MGST1: variants seen among roughly 807,000 people sequenced by gnomAD.
The protein encoded by MGST1 is microsomal glutathione S-transferase 1.
A neutral mutation model predicts 8.9 loss-of-function variants in MGST1; 5 were observed. The observed-to-expected ratio is 0.56, with a 90% CI of 0.29 to 1.19. The LOEUF (loss-of-function observed/expected upper bound fraction) is 1.19, where lower values mean the gene tolerates loss of function less well. MGST1 is among the 50% of genes most tolerant of loss of function. MGST1 has a pLI of 0.08. For synonymous variants in MGST1, 54 were observed against 67.8 expected (o/e 0.80, Z 1.00); for missense variants, 182 against 187.4 (o/e 0.97, Z 0.17).
intron 1 of MGST1, among the ~76,000 whole-genome samples, chr12:16,351,084 T>C (rs371866110): frequency 1.3e-5 from 2 of 152,186 alleles, no homozygotes; most frequent in African/African-American, 4.8e-5. Context: ...AATACATAAA[T>C]TTCATTCTGG....
chr12:16,556,772 G>A (rs775655665), intron 4 of MGST1, among the ~76,000 whole-genome samples: 1 of 152,124 alleles, frequency 6.6e-6, no homozygotes, highest in African/African-American at 2.4e-5. Context: ...AACAAAATTT[G>A]TCTGCTTTGC....
downstream of MGST1, chr12:16,589,610 A>C (rs1249978048): frequency 6.6e-6 from 1 of 152,152 alleles, no homozygotes; most frequent in Non-Finnish European, 1.5e-5. This position sits in a 1 kb window ranked among gnomAD's most constrained non-coding sequence, Gnocchi z 4.2. Flanking sequence ...TCTATTATAA[A>C]GACAGTGGTT....
chr12:16,536,385 C>G (rs1438637723), intron 4 of MGST1, among the ~76,000 whole-genome samples: 1 of 152,078 alleles, frequency 6.6e-6, no homozygotes. Context: ...TCAATTCTAT[C>G]TAACTGTAGC....
chr12:16,352,245 A>G (rs977969394), intron 1 of MGST1, among the ~76,000 whole-genome samples: 1 of 152,256 alleles, frequency 6.6e-6, no homozygotes, highest in African/African-American at 2.4e-5. Context: ...CTAAGTATAT[A>G]TGTATGTGGT....
At chr12:16,384,967 T>C (rs1940491951) in intron 1 of MGST1, among the ~76,000 whole-genome samples, 2 of 151,808 alleles carry the variant, frequency 1.3e-5, no homozygotes, top group South Asian at 4.2e-4. Flanking sequence ...ATAGGTGGAG[T>C]TGTAGAGTAA....
At chr12:16,409,996 G>T (rs11056923) in intron 1 of MGST1, among the ~76,000 whole-genome samples, 5 of 151,962 alleles carry the variant, frequency 3.3e-5, no homozygotes, top group Non-Finnish European at 7.4e-5. Context: ...CTCCTCCCTC[G>T]TGAGTTCTCA....
chr12:16,418,559 G>A (rs1940805594), intron 1 of MGST1, among the ~76,000 whole-genome samples: 1 of 152,066 alleles, frequency 6.6e-6, no homozygotes, highest in Admixed American at 6.6e-5. Flanking sequence ...CACCTCTGTT[G>A]TACCCAGAAG....
intron 1 of MGST1, among the ~76,000 whole-genome samples, chr12:16,391,618 A>G (rs1219283879): frequency 6.6e-6 from 1 of 152,108 alleles, no homozygotes; most frequent in African/African-American, 2.4e-5. Context: ...TGTAAATTTA[A>G]GTTACTTATA....
Position 16,363,396 on chromosome 12 carries a change from A to C in MGST1, c.222-399A>C, listed in dbSNP as rs549627434. On this transcript the variant is annotated intron_variant, in intron 3 of 3. Coordinates refer to ENST00000396210, the MANE Select transcript of MGST1 (RefSeq NM_020300.5). The surrounding 1 kb of genome is among the most constrained non-coding windows in gnomAD (Gnocchi z 4.6). ...CAAAGGAGGTGTCTTAAGAAAAATC[A>C]ACACCAAAAGGGTTTTCTTCCTTCG... 1 of 152,620 alleles carries C rather than the reference A, an allele frequency of 6.6e-6. No homozygotes were observed. Among genetic ancestry groups the C allele is most frequent in the Non-Finnish European group, 1.5e-5 (1 of 68,252 alleles). The allele number at this position is 152,620 out of a possible 1,614,324, so 9.5% of individuals were successfully genotyped here.
chr12:16,549,953 C>G (rs1365809254), intron 4 of MGST1: 2 of 152,052 alleles, frequency 1.3e-5, no homozygotes, highest in African/African-American at 2.4e-5. Context: ...TTGGCAATTA[C>G]TTAAAACAAT....
At chr12:16,501,824 C>T (rs372726800) in intron 4 of MGST1, among the ~76,000 whole-genome samples, 5 of 151,750 alleles carry the variant, frequency 3.3e-5, no homozygotes, top group East Asian at 3.9e-4. Flanking sequence ...TACTGGTTGC[C>T]CAAATACTCA....
rs1941594169 is a variant in MGST1, at chr12:16,513,937, A to T, written n.483-75591A>T. 9.2e-6 allele frequency: 5 copies of T among 540,698 alleles called. No individual in the cohort carries two copies. The highest frequency in any genetic ancestry group is 1.8e-5 in the Non-Finnish European group (5 of 280,404). The allele number at this position is 540,698 out of a possible 1,614,324, so 33.5% of individuals were successfully genotyped here. A position where few individuals can be genotyped will look rare whatever the true frequency, so the allele number is the denominator to read the frequency against. ...AGGTTATCGATACTATGACCGCAAG[A>T]CTTGCGGTTTTGACTTCACAGACAC... On this transcript the variant is annotated intron_variant and non_coding_transcript_variant, in intron 4 of 4. Transcript: ENST00000538857. This position sits in a 1 kb window ranked among gnomAD's most constrained non-coding sequence, Gnocchi z 4.2.
rs1423432940 is a variant in MGST1, at chr12:16,399,608, A to G, written n.778+16004A>G. ...GATTAAAAGTCTCATCTTCAATTTC[A>G]GACTCTGAATCCCCTTCTTCAGCAT... On this transcript the variant is annotated intron_variant and non_coding_transcript_variant, in intron 1 of 1. Transcript: ENST00000359720. The G allele has an allele frequency of 1.4e-5, 23 of 1,607,798 alleles. No homozygotes were observed. The East Asian group carries it at 3.8e-4, about 27-fold the overall frequency.
chr12:16,481,250 A>G (rs1159148542), intron 4 of MGST1, among the ~76,000 whole-genome samples: 1 of 152,204 alleles, frequency 6.6e-6, no homozygotes, highest in East Asian at 1.9e-4. Context: ...CCAAGCCAAG[A>G]TATGCAATTA....
intron 1 of MGST1, chr12:16,402,167 C>A (rs1411206128): frequency 5.7e-6 from 9 of 1,566,522 alleles, no homozygotes; most frequent in Non-Finnish European, 7.9e-6. Flanking sequence ...CAATTTGTTT[C>A]AAAAACTCCA....
At chr12:16,486,113 G>C (rs1336696537) in intron 4 of MGST1, among the ~76,000 whole-genome samples, 1 of 152,038 alleles carries the variant, frequency 6.6e-6, no homozygotes, top group Non-Finnish European at 1.5e-5. Context: ...ATGGGACCTC[G>C]CTGAGGCCTT....
At chr12:16,453,345 T>C (rs1446992498) in intron 4 of MGST1, among the ~76,000 whole-genome samples, 1 of 151,930 alleles carries the variant, frequency 6.6e-6, no homozygotes, top group Non-Finnish European at 1.5e-5. Context: ...GAGACTCTAA[T>C]GTTCAGTAAT....
At chr12:16,422,861 G>T (rs1940850404) in intron 1 of MGST1, among the ~76,000 whole-genome samples, 1 of 152,058 alleles carries the variant, frequency 6.6e-6, no homozygotes, top group African/African-American at 2.4e-5. Flanking sequence ...TAATTATTTT[G>T]GGTGGTTCTC....
chr12:16,400,755 T>A (rs1023230609), intron 1 of MGST1: 1 of 1,264,452 alleles, frequency 7.9e-7, no homozygotes, highest in Admixed American at 1.7e-5. Flanking sequence ...GACATACTTA[T>A]ATTCTTGATT....
Sources: allele counts gnomAD v4.1 joint callset (sites outside exome capture counted in the v4.1 genomes callset), GRCh38; gene constraint gnomAD v4.1.1; non-coding constraint Gnocchi (gnomAD v3.1); transcripts MANE v1.5; gene names NCBI Gene and HGNC (gene_info 2026-07-23, HGNC 2026-07-21).